Variants in IGFN1 observed in about 807,000 individuals in gnomAD.
IGFN1 encodes immunoglobulin-like and fibronectin type III domain-containing protein 1.
Under a neutral mutation model 289.5 loss-of-function variants are expected in IGFN1, and 253 were observed. The observed-to-expected ratio is 0.87, with a 90% CI of 0.79 to 0.97. IGFN1 has a LOEUF of 0.97. Ranked by LOEUF, IGFN1 falls within the 50% of genes least tolerant of loss-of-function variation. The probability of loss-of-function intolerance (pLI) is 0.00; values close to 1 mark genes in which losing one functional copy is unlikely to be tolerated. For synonymous variants in IGFN1, 1,706 were observed against 1,788.5 expected, an observed-to-expected ratio of 0.95 and a Z score of 1.16; for missense variants, 4,470 against 4,686.1, an observed-to-expected ratio of 0.95 and a Z score of 1.35.
chr1:201,197,934 C>T (rs140173065), intron 5 of IGFN1, among the ~76,000 whole-genome samples: 10 of 152,278 alleles, frequency 6.6e-5, no homozygotes, highest in Non-Finnish European at 1.2e-4. Context: ...AGAAGTTTTG[C>T]GAGTGGCGTC....
chr1:201,199,167 C>A (rs907534869), intron 5 of IGFN1, among the ~76,000 whole-genome samples, 167 bp from the exon 6 acceptor site: 1 of 152,198 alleles, frequency 6.6e-6, no homozygotes, highest in African/African-American at 2.4e-5. Flanking sequence ...TGGACAGACC[C>A]TCCACCCTGC....
At chr1:201,223,665 G>A (rs745658303) in intron 20 of IGFN1, among the ~76,000 whole-genome samples, 4 of 152,120 alleles carry the variant, frequency 2.6e-5, no homozygotes, top group Non-Finnish European at 4.4e-5. Context: ...GAGCCACTGT[G>A]CCCAGCCAGA....
intron 18 of IGFN1, among the ~76,000 whole-genome samples, chr1:201,221,178 C>T (rs1235812117): frequency 6.6e-6 from 1 of 152,036 alleles, no homozygotes; most frequent in African/African-American, 2.4e-5. Flanking sequence ...TAGGAGAAGG[C>T]ATTTGGCAGG....
At chr1:201,194,382 T>A (rs1553261773) in intron 3 of IGFN1, 109 bp downstream of exon 3, 2 of 1,226,094 alleles carry the variant, frequency 1.6e-6, no homozygotes, top group Non-Finnish European at 1.1e-6. Flanking sequence ...CCTATATCCA[T>A]CACTAGGCCA....
chr1:201,226,067 TG>T lies in IGFN1; in HGVS notation c.10735del (p.Ala3579ProfsTer22), dbSNP rs1488751517. ...TTCAGGGTGGTGGCCAAGAATGAGCTGGGGGCCAGCAAACCCTCGGACACCA... is the reference window on the plus strand; with the variant it reads ...TTCAGGGTGGTGGCCAAGAATGAGCTGGGGCCAGCAAACCCTCGGACACCA... ...YHFRVVAKNELGASKPSDTSQ... is the reference protein window; with the variant it reads ...YHFRVVAKNEXGASKPSDTSQ... On this transcript the variant is annotated frameshift_variant, in exon 22 of 24. Transcript: ENST00000335211. LOFTEE classifies it high-confidence loss of function. The T allele has an allele frequency of 1.2e-6, 2 of 1,602,548 alleles. No homozygotes were observed. The highest frequency in any genetic ancestry group is 8.5e-7 in the Non-Finnish European group (1 of 1,172,704).
intron 3 of IGFN1, among the ~76,000 whole-genome samples, chr1:201,194,988 A>C (rs544204078): frequency 6.6e-6 from 1 of 152,152 alleles, no homozygotes; most frequent in African/African-American, 2.4e-5. Context: ...GAGGGCGGGC[A>C]GTTCCCAGGC....
intron 23 of IGFN1, 36 bp from the exon 24 acceptor site, chr1:201,228,350 C>G: frequency 1.2e-6 from 2 of 1,611,914 alleles, no homozygotes; most frequent in South Asian, 2.2e-5. Flanking sequence ...GGGTGGCTGC[C>G]CCTCTGAACC....
Position 201,214,296 on chromosome 1 carries a change from G to A in IGFN1, c.8848G>A (p.Val2950Ile), listed in dbSNP as rs41304263. The change falls in exon 13 of 24, where the codon GTC (valine) becomes ATC (isoleucine). Residue 2950 changes from valine (V) to isoleucine (I), a missense_variant. Transcript: ENST00000335211. ...LGPGTWFKDG[V>I]KLTTQDGVIF... ...ACCTGGCACCTGGTTTAAGGATGGC[G>A]TCAAGGTACTGCCTCCCCTCACACC... 86,658 of 1,608,356 alleles carry A rather than the reference G, an allele frequency of 0.054. 2,655 individuals carry two copies. The highest frequency in any genetic ancestry group is 0.06 in the Non-Finnish European group (71,104 of 1,175,684).
At chr1:201,204,930 C>T (rs1558138834) in intron 10 of IGFN1, among the ~76,000 whole-genome samples, 152 bp from the exon 11 acceptor site, 1 of 152,184 alleles carries the variant, frequency 6.6e-6, no homozygotes, top group South Asian at 2.1e-4. Context: ...GGAATTGACA[C>T]CTGAGGTCCA....
Position 201,210,934 on chromosome 1 carries a change from C to G in IGFN1, c.6041C>G (p.Ala2014Gly), listed in dbSNP as rs1196919356. The change falls in exon 12 of 24, where the codon GCA becomes GGA. Residue 2014 changes from alanine to glycine, a missense_variant. Around this residue, in one of 8 missense-constraint regions of IGFN1, gnomAD observed 108 missense variants for 128.7 expected, o/e 0.84. Transcript: ENST00000335211. ...GAGGGAATAGGTTCAGGGAGTAAGGCAGGTTTCAGGGATGGTTTAGGGGGT... is the reference window on the plus strand; with the variant it reads ...GAGGGAATAGGTTCAGGGAGTAAGGGAGGTTTCAGGGATGGTTTAGGGGGT... Reference protein sequence around the residue: ...APEGIGSGSKAGFRDGLGGSE... With the variant: ...APEGIGSGSKGGFRDGLGGSE... The G allele has an allele frequency of 1.1e-6, 1 of 946,936 alleles. No individual in the cohort carries two copies. The highest frequency in any genetic ancestry group is 1.5e-6 in the Non-Finnish European group (1 of 679,178). The allele number at this position is 946,936 out of a possible 1,614,324, so 58.7% of individuals were successfully genotyped here.
chr1:201,225,369 C>T (rs1329201358), intron 21 of IGFN1, among the ~76,000 whole-genome samples: 1 of 152,188 alleles, frequency 6.6e-6, no homozygotes, highest in Non-Finnish European at 1.5e-5. Context: ...AAAATGCATG[C>T]CTTGTCCTGT....
In IGFN1 at chr1:201,194,172, A is replaced by G. The variant is rs1666782570; in HGVS notation, c.26A>G (p.His9Arg). The G allele has an allele frequency of 1.9e-6, 3 of 1,551,428 alleles. No individual in the cohort carries two copies. In the East Asian group the frequency reaches 7.3e-5, roughly 38 times the overall value. MAGKLRKS[H>R]IPGVSIWQLV... Reference sequence around the variant, plus strand: ...TCTCCAGGAAAGCTCCGGAAGTCCCACATCCCTGGAGTGAGCATCTGGCAG... The same window carrying G: ...TCTCCAGGAAAGCTCCGGAAGTCCCGCATCCCTGGAGTGAGCATCTGGCAG... The change falls in exon 3 of 24, where the codon CAC becomes CGC. Residue 9 changes from histidine (H) to arginine (R), a missense_variant. His to Arg is a conservative substitution (Grantham distance 29). Coordinates refer to ENST00000335211, the MANE Select transcript of IGFN1 (RefSeq NM_001164586.2).
rs533511389 is a variant in IGFN1 at position 201,218,445 on chromosome 1, C to A, written c.9770-85C>A. ...GATGTGTTAGGACCCCAGGCTTGGT[C>A]TCCTTCAGAACTTGGAGGCACCCAA... On this transcript the variant is annotated intron_variant, in intron 17 of 23. Coordinates refer to ENST00000335211, the MANE Select transcript of IGFN1 (RefSeq NM_001164586.2). The A allele has an allele frequency of 7.0e-5, 96 of 1,370,604 alleles. 1 individual carries two copies. The highest frequency in any genetic ancestry group is 9.1e-5 in the Non-Finnish European group (91 of 994,544). 84.9% of individuals were successfully genotyped at this position (1,370,604 alleles called of 1,614,324 possible).
chr1:201,223,346 AATATT>A (rs1653860738), intron 20 of IGFN1, among the ~76,000 whole-genome samples: 1 of 113,922 alleles, frequency 8.8e-6, no homozygotes. Flanking sequence ...ACTTTGGACA[AATATT>A]ATTTATTTAT....
chr1:201,206,427 G>T lies in IGFN1; in HGVS notation c.1534G>T (p.Gly512Ter). 4 of 1,551,178 alleles carry T rather than the reference G, an allele frequency of 2.6e-6. No homozygotes were observed. The highest frequency in any genetic ancestry group is 3.5e-6 in the Non-Finnish European group (4 of 1,146,992). ...LPRENQSHRE[G>*]GWARSLAERP... ...CAGGGAAAATCAATCCCACAGAGAG[G>T]GAGGCTGGGCCAGAAGCCTTGCAGA... Residue 512 changes from glycine (G) to a stop codon, truncating the protein, a stop_gained, in exon 12 of 24, where the codon GGA becomes TGA. Coordinates refer to ENST00000335211, the MANE Select transcript of IGFN1 (RefSeq NM_001164586.2). LOFTEE classifies it high-confidence loss of function.
intron 18 of IGFN1, among the ~76,000 whole-genome samples, chr1:201,221,197 T>A (rs1264399416): frequency 6.6e-6 from 1 of 152,154 alleles, no homozygotes; most frequent in Non-Finnish European, 1.5e-5. Context: ...GGTTGGTGAA[T>A]GAATGAGGGG....
At position 201,209,027 on chromosome 1, in the gene IGFN1, T is replaced by C; in HGVS notation, c.4134T>C (p.Asn1378=). The C allele has an allele frequency of 1.3e-6, 2 of 1,536,060 alleles. No homozygotes were observed. The highest frequency in any genetic ancestry group is 1.7e-6 in the Non-Finnish European group (2 of 1,146,698). ...REIGSMDETD[N]RKDLGVPEGM... Reference sequence around the variant, plus strand: ...TCGGGTCAATGGATGAAACAGATAATAGGAAAGATTTGGGGGTTCCTGAGG... The same window carrying C: ...TCGGGTCAATGGATGAAACAGATAACAGGAAAGATTTGGGGGTTCCTGAGG... Residue 1378 remains asparagine (N), a synonymous_variant, in exon 12 of 24, where the codon AAT becomes AAC. Coordinates refer to ENST00000335211, the MANE Select transcript of IGFN1 (RefSeq NM_001164586.2).
rs1294979873 is a variant in IGFN1, at chr1:201,211,404, G to A, written c.6511G>A (p.Gly2171Arg). ...RDGLGSSGEM[G>R]SMDEAGYRKD... ...TGGTTTAGGGAGTTCTGGGGAAATG[G>A]GGTCAATGGATGAGGCAGGTTATAG... Residue 2171 changes from glycine to arginine, a missense_variant, in exon 12 of 24, where the codon GGG (glycine) becomes AGG (arginine). This residue lies in a region of IGFN1 where 2,218 missense variants were observed against 2,114.1 expected (regional missense o/e 1.05). Transcript: ENST00000335211. 9 of 1,491,136 alleles carry A rather than the reference G, an allele frequency of 6.0e-6. No individual in the cohort carries two copies. In the South Asian group the frequency reaches 7.5e-5, roughly 12 times the overall value. The allele number at this position is 1,491,136 out of a possible 1,614,324, so 92.4% of individuals were successfully genotyped here.
At position 201,213,366 on chromosome 1, in the gene IGFN1, G is replaced by T. The variant is rs1388774689; in HGVS notation, c.8473G>T (p.Ala2825Ser). 1 of 1,612,230 alleles carries T rather than the reference G, an allele frequency of 6.2e-7. No homozygotes were observed. Among genetic ancestry groups the T allele is most frequent in the Non-Finnish European group, 8.5e-7 (1 of 1,179,136 alleles). ...LRSRSQAQSG[A>S]EVGGGKRRGA... ...GAGCAGGTCTCAGGCACAGTCAGGG[G>T]CTGAGGTTGGAGGAGGAAAGAGAAG... Residue 2825 changes from alanine (A) to serine (S), a missense_variant, in exon 12 of 24, where the codon GCT becomes TCT. This residue lies in a region of IGFN1 where 2,218 missense variants were observed against 2,114.1 expected (regional missense o/e 1.05). Coordinates refer to ENST00000335211, the MANE Select transcript of IGFN1 (RefSeq NM_001164586.2).
Sources: allele counts gnomAD v4.1 joint callset (sites outside exome capture counted in the v4.1 genomes callset), GRCh38; gene constraint gnomAD v4.1.1; regional missense constraint gnomAD v4.1.1; transcripts MANE v1.5; gene names NCBI Gene and HGNC (gene_info 2026-07-23, HGNC 2026-07-21).